Variants in TTBK1 observed in about 807,000 individuals in gnomAD.
TTBK1 encodes the protein tau tubulin kinase 1, also known as tau-tubulin kinase 1.
A neutral mutation model predicts 108.5 loss-of-function variants in TTBK1; 34 were observed. That is an observed-to-expected ratio of 0.31 (90% CI 0.24 to 0.42). TTBK1 has a LOEUF of 0.42. Ranked by LOEUF, TTBK1 falls within the 10% of genes least tolerant of loss-of-function variation. The pLI is 1.00. For missense variants in TTBK1, 1,539 were observed against 1,826.0 expected, an observed-to-expected ratio of 0.84 and a Z score of 2.86; for synonymous variants, 809 against 795.1, an observed-to-expected ratio of 1.02 and a Z score of -0.29.
At position 43,253,373 on chromosome 6, in the gene TTBK1, C is replaced by T; in HGVS notation, c.330+9C>T. On this transcript the variant is annotated intron_variant, in intron 4 of 14. Coordinates refer to ENST00000259750, the MANE Select transcript of TTBK1 (RefSeq NM_032538.3). This position sits in a 1 kb window ranked among gnomAD's most constrained non-coding sequence, Gnocchi z 5.8. ...TAGTGATGCAGCTCCAGGTGAGTCC[C>T]CGTGGCCCATCCTCGCTCCCCTCTC... is the stretch of plus-strand genomic sequence containing the variant. 6.2e-7 allele frequency: 1 copy of T among 1,613,930 alleles called. No homozygotes were observed. Among genetic ancestry groups the T allele is most frequent in the Non-Finnish European group, 8.5e-7 (1 of 1,179,892 alleles).
intron 13 of TTBK1, among the ~76,000 whole-genome samples, chr6:43,281,258 C>T (rs1184991327): frequency 6.6e-6 from 1 of 152,068 alleles, no homozygotes; most frequent in South Asian, 2.1e-4. Context: ...CACCTGTAAT[C>T]CCAGCTACTA....
Position 43,282,691 on chromosome 6 carries a change from G to A in TTBK1, c.1987-36G>A, listed in dbSNP as rs1778199229. 1.9e-6 allele frequency: 3 copies of A among 1,540,872 alleles called. No homozygotes were observed. Among genetic ancestry groups the A allele is most frequent in the Admixed American group, 2.0e-5 (1 of 50,328 alleles). On this transcript the variant is annotated intron_variant, in intron 13 of 14. Transcript: ENST00000259750. This position sits in a 1 kb window ranked among gnomAD's most constrained non-coding sequence, Gnocchi z 5.4. ...AGTCTTCCTGGGCCCAGGAGGGTGG[G>A]TGACCTCAGAGGGTCCCTGTGTATG...
At chr6:43,275,903 G>A (rs1777971419) in intron 13 of TTBK1, among the ~76,000 whole-genome samples, 1 of 152,162 alleles carries the variant, frequency 6.6e-6, no homozygotes. Flanking sequence ...GGGAGGGGGC[G>A]GGGCTCCGGG....
rs1777419166 is a variant in TTBK1, at chr6:43,257,814, G to A, written c.864G>A (p.Leu288=). ...LDYFTKPDYQ[L]IMSVFENSMK... is the part of the protein sequence containing the mutation. ...CCCATCACCCTCACCCCCTGCAGTT[G>A]ATCATGTCAGTGTTTGAGAACAGCA... Residue 288 remains leucine (L), a splice_region_variant and synonymous_variant, in exon 10 of 15, where the codon TTG becomes TTA. Coordinates refer to ENST00000259750, the MANE Select transcript of TTBK1 (RefSeq NM_032538.3). The surrounding 1 kb of genome is among the most constrained non-coding windows in gnomAD (Gnocchi z 4.5). The A allele has an allele frequency of 1.2e-6, 2 of 1,613,156 alleles. No homozygotes were observed. Among genetic ancestry groups the A allele is most frequent in the Non-Finnish European group, 1.7e-6 (2 of 1,179,576 alleles).
intron 13 of TTBK1, chr6:43,272,559 C>T: frequency 1.0e-6 from 1 of 985,392 alleles, no homozygotes; most frequent in Non-Finnish European, 1.2e-6. Flanking sequence ...TTTAGGGGGA[C>T]ATCCTTTTGT....
At chr6:43,271,349 A>G in intron 13 of TTBK1, 2 of 985,478 alleles carry the variant, frequency 2.0e-6, no homozygotes, top group African/African-American at 1.7e-5. Context: ...CAGGCTGTGC[A>G]CTGTGTAATT....
At position 43,259,770 on chromosome 6, in the gene TTBK1, T is replaced by C; in HGVS notation, c.1424+64T>C. ...CCTCTCCGCCTTCACGTGGCTGGTC[T>C]GGAGGAAAAGTTAGATGTGTGGCGG... On this transcript the variant is annotated intron_variant, in intron 12 of 14. Coordinates refer to ENST00000259750, the MANE Select transcript of TTBK1 (RefSeq NM_032538.3). This position sits in a 1 kb window ranked among gnomAD's most constrained non-coding sequence, Gnocchi z 6.7. The C allele has an allele frequency of 6.9e-7, 1 of 1,445,396 alleles. No individual in the cohort carries two copies. The highest frequency in any genetic ancestry group is 9.2e-7 in the Non-Finnish European group (1 of 1,088,730). The allele number at this position is 1,445,396 out of a possible 1,614,324, so 89.5% of individuals were successfully genotyped here. A position where few individuals can be genotyped will look rare whatever the true frequency, so the allele number is the denominator to read the frequency against.
chr6:43,258,114 G>A, intron 10 of TTBK1, 148 bp downstream of exon 10: 3 of 912,482 alleles, frequency 3.3e-6, no homozygotes, highest in Non-Finnish European at 4.7e-6. Context: ...GGGAAACTCT[G>A]CCACATCTCC....
chr6:43,262,360 A>G (rs1416451156), intron 12 of TTBK1, among the ~76,000 whole-genome samples: 1 of 149,966 alleles, frequency 6.7e-6, no homozygotes, highest in Non-Finnish European at 1.5e-5. Context: ...CTCAAGGGCC[A>G]GTTGGGTGTG....
At position 43,262,770 on chromosome 6, in the gene TTBK1, G is replaced by A. The variant is rs369712297; in HGVS notation, c.1425-19G>A. ...CCAGTGGGGCCAGGTATTGAGCCCC[G>A]TGAGGGGTGGCTTTGCAGGTCACGG... On this transcript the variant is annotated intron_variant, in intron 12 of 14. Transcript: ENST00000259750. 79 of 1,530,290 alleles carry A rather than the reference G, an allele frequency of 5.2e-5. No homozygotes were observed. The highest frequency in any genetic ancestry group is 2.4e-4 in the Middle Eastern group (1 of 4,144). 94.8% of individuals were successfully genotyped at this position (1,530,290 alleles called of 1,614,324 possible). A position where few individuals can be genotyped will look rare whatever the true frequency, so the allele number is the denominator to read the frequency against.
At chr6:43,244,696 T>C (rs1488463965) in intron 1 of TTBK1, among the ~76,000 whole-genome samples, 1 of 152,214 alleles carries the variant, frequency 6.6e-6, no homozygotes, top group African/African-American at 2.4e-5. Context: ...TTTGCTCATC[T>C]ATAAAATGAG....
chr6:43,285,273 C>T lies in TTBK1; in HGVS notation c.3863C>T (p.Ser1288Phe). 3.1e-6 allele frequency: 4 copies of T among 1,292,278 alleles called. No individual in the cohort carries two copies. Among genetic ancestry groups the T allele is most frequent in the Admixed American group, 4.2e-5 (1 of 23,802 alleles). 80.1% of individuals were successfully genotyped at this position (1,292,278 alleles called of 1,614,324 possible). The change falls in exon 15 of 15, where the codon TCC becomes TTC. Residue 1288 changes from serine to phenylalanine, a missense_variant. Transcript: ENST00000259750. The surrounding 1 kb of genome is among the most constrained non-coding windows in gnomAD (Gnocchi z 4.7). ...PARAQPDGTPSPGGSKKGPRG... is the reference protein window; with the variant it reads ...PARAQPDGTPFPGGSKKGPRG... ...CGGGCCCAGCCTGATGGCACCCCCT[C>T]CCCCGGGGGCTCCAAGAAAGGACCC...
intron 12 of TTBK1, among the ~76,000 whole-genome samples, chr6:43,260,228 G>A (rs1487670164): frequency 6.6e-6 from 1 of 152,168 alleles, no homozygotes; most frequent in East Asian, 1.9e-4. Flanking sequence ...AGCTAGGTGA[G>A]CCTTTAGGAG....
At position 43,283,236 on chromosome 6, in the gene TTBK1, C is replaced by A; in HGVS notation, c.2496C>A (p.Gly832=). ...ATGGGGACCTGGAGCCTGAGGAGGG[C>A]TCCAAAACGCTGGTGCTTGTCTCTC... is the stretch of plus-strand genomic sequence containing the variant. The part of the protein sequence containing the change: ...MADGDLEPEE[G]SKTLVLVSPG... The change falls in exon 14 of 15, where the codon GGC becomes GGA. Residue 832 remains glycine (G), a synonymous_variant. Transcript: ENST00000259750. This position sits in a 1 kb window ranked among gnomAD's most constrained non-coding sequence, Gnocchi z 8.1. 1 of 1,551,980 alleles carries A rather than the reference C, an allele frequency of 6.4e-7. No homozygotes were observed. The highest frequency in any genetic ancestry group is 1.2e-5 in the South Asian group (1 of 84,284).
Position 43,259,319 on chromosome 6 carries a change from G to T in TTBK1, c.1248+50G>T, listed in dbSNP as rs757816058. 6.8e-7 allele frequency: 1 copy of T among 1,460,202 alleles called. No individual in the cohort carries two copies. Among genetic ancestry groups the T allele is most frequent in the African/African-American group, 1.4e-5 (1 of 70,662 alleles). The allele number at this position is 1,460,202 out of a possible 1,614,324, so 90.5% of individuals were successfully genotyped here. A position where few individuals can be genotyped will look rare whatever the true frequency, so the allele number is the denominator to read the frequency against. ...GTGGGTGGCCTTTTCTCTCACCCCC[G>T]ATTCCCAGCCTTGTGCCCCTGCCCT... On this transcript the variant is annotated intron_variant, in intron 11 of 14. Transcript: ENST00000259750. The surrounding 1 kb of genome is among the most constrained non-coding windows in gnomAD (Gnocchi z 6.7).
chr6:43,285,528 G>A lies in TTBK1; in HGVS notation c.*152G>A, dbSNP rs923665127. On this transcript the variant is annotated 3_prime_UTR_variant, in exon 15 of 15. Coordinates refer to ENST00000259750, the MANE Select transcript of TTBK1 (RefSeq NM_032538.3). This position sits in a 1 kb window ranked among gnomAD's most constrained non-coding sequence, Gnocchi z 4.7. Reference sequence around the variant, plus strand: ...CGCCTGCACCCGCGAGGACGCGCGCGAGCACACGCGGCGCCCCGCCAGGCC... The same window carrying A: ...CGCCTGCACCCGCGAGGACGCGCGCAAGCACACGCGGCGCCCCGCCAGGCC... 6 of 1,059,248 alleles carry A rather than the reference G, an allele frequency of 5.7e-6. No individual in the cohort carries two copies. The highest frequency in any genetic ancestry group is 4.9e-5 in the South Asian group (1 of 20,472). The allele number at this position is 1,059,248 out of a possible 1,614,324, so 65.6% of individuals were successfully genotyped here. A position where few individuals can be genotyped will look rare whatever the true frequency, so the allele number is the denominator to read the frequency against.
At chr6:43,244,872 C>T (rs1312355098) in intron 1 of TTBK1, among the ~76,000 whole-genome samples, 1 of 152,152 alleles carries the variant, frequency 6.6e-6, no homozygotes, top group East Asian at 1.9e-4. Flanking sequence ...TCTAGAACCC[C>T]CATCCCTACC....
In TTBK1 at chr6:43,253,018, G is replaced by C. The variant is rs1777286767; in HGVS notation, c.256+132G>C. On this transcript the variant is annotated intron_variant, in intron 3 of 14. Transcript: ENST00000259750. The surrounding 1 kb of genome is among the most constrained non-coding windows in gnomAD (Gnocchi z 5.8). ...GAGGGAAAAGGGGATGGAGCCAGGA[G>C]CTAAGGGGGAGGTGACGGAGCCAGA... 1.7e-6 allele frequency: 2 copies of C among 1,194,416 alleles called. No homozygotes were observed. Among genetic ancestry groups the C allele is most frequent in the Non-Finnish European group, 2.4e-6 (2 of 845,402 alleles). The allele number at this position is 1,194,416 out of a possible 1,614,324, so 74.0% of individuals were successfully genotyped here. A position where few individuals can be genotyped will look rare whatever the true frequency, so the allele number is the denominator to read the frequency against.
In TTBK1 at chr6:43,283,285, G is replaced by A. The variant is rs199834271; in HGVS notation, c.2545G>A (p.Val849Ile). The A allele has an allele frequency of 1.0e-5, 16 of 1,566,176 alleles. No individual in the cohort carries two copies. The highest frequency in any genetic ancestry group is 8.1e-5 in the African/African-American group (6 of 73,654). ...TCCTGGCGACATGAAGAAGTCGCCC[G>A]TCACTGCCGAACTGGCCCCCGACCC... is the stretch of plus-strand genomic sequence containing the variant. The part of the protein sequence containing the change: ...VSPGDMKKSP[V>I]TAELAPDPDL... The change falls in exon 14 of 15, where the codon GTC (valine) becomes ATC (isoleucine). Residue 849 changes from valine (V) to isoleucine (I), a missense_variant. By Grantham distance (29) the Val-to-Ile change is conservative. Coordinates refer to ENST00000259750, the MANE Select transcript of TTBK1 (RefSeq NM_032538.3). This position sits in a 1 kb window ranked among gnomAD's most constrained non-coding sequence, Gnocchi z 8.1.
Sources: gnomAD v4.1 joint callset for allele counts (sites outside exome capture counted in the v4.1 genomes callset) on GRCh38, gnomAD v4.1.1 for gene constraint, Gnocchi (gnomAD v3.1) non-coding constraint, MANE v1.5 for transcripts, NCBI Gene and HGNC (gene_info 2026-07-23, HGNC 2026-07-21) for gene names.